HSP90AA1: variants seen among roughly 807,000 people sequenced by gnomAD.
HSP90AA1 encodes heat shock protein HSP 90-alpha.
HSP90AA1 carries 18 observed loss-of-function variants against 73.3 expected under a neutral mutation model. The observed-to-expected ratio is 0.25, with a 90% CI of 0.17 to 0.36. The LOEUF (loss-of-function observed/expected upper bound fraction) is 0.36. Among genes scored for constraint, HSP90AA1 ranks in the 10% least tolerant of loss-of-function variants. The pLI is 1.00. For missense variants in HSP90AA1, 704 were observed against 874.2 expected (o/e 0.81, Z 2.45); for synonymous variants, 477 against 296.9 (o/e 1.61, Z -6.24).
At position 102,084,751 on chromosome 14, in the gene HSP90AA1, A is replaced by G. The variant is rs920482292; in HGVS notation, c.911T>C (p.Ile304Thr). 2.6e-5 allele frequency: 42 copies of G among 1,613,976 alleles called. No homozygotes were observed. Among genetic ancestry groups the G allele is most frequent in the Non-Finnish European group, 3.5e-5 (41 of 1,180,030 alleles). Residue 304 changes from isoleucine (I) to threonine (T), a missense_variant, in exon 5 of 11, where the codon ATT becomes ACT. Physicochemically the swap from Ile to Thr is moderately conservative, Grantham distance 89. Transcript: ENST00000216281. ...KPIWTRNPDD[I>T]TNEEYGEFYK... The stretch of plus-strand genomic sequence containing the variant: ...GAATTCTCCGTACTCCTCATTAGTA[A>G]TATCGTCGGGATTTCTGGTCCAGAT...
intron 1 of HSP90AA1, among the ~76,000 whole-genome samples, chr14:102,138,425 G>A (rs1281140446): frequency 6.6e-6 from 1 of 152,038 alleles, no homozygotes; most frequent in East Asian, 1.9e-4. Flanking sequence ...AGGGAAAGTC[G>A]GATAACATCA....
chr14:102,112,112 A>G (rs2049649239), intron 1 of HSP90AA1, among the ~76,000 whole-genome samples: 1 of 151,688 alleles, frequency 6.6e-6, no homozygotes, highest in Non-Finnish European at 1.5e-5. Flanking sequence ...TTTGTGGATA[A>G]TTTCCTCCTA....
chr14:102,096,578 C>A (rs2049427835), intron 2 of HSP90AA1, among the ~76,000 whole-genome samples: 1 of 152,212 alleles, frequency 6.6e-6, no homozygotes, highest in Admixed American at 6.5e-5. Flanking sequence ...CAAATTCACT[C>A]TGGATGCCTC....
chr14:102,092,719 A>C (rs1310842106), intron 2 of HSP90AA1, among the ~76,000 whole-genome samples: 2 of 152,088 alleles, frequency 1.3e-5, no homozygotes, highest in African/African-American at 4.8e-5. Context: ...ACATATGTTG[A>C]AATACATCAA....
chr14:102,087,239 C>T (rs2049267234), upstream of HSP90AA1: 4 of 856,592 alleles, frequency 4.7e-6, no homozygotes, highest in South Asian at 2.1e-4. Context: ...TGCTCGTGGC[C>T]CGGCCCGGGC....
intron 7 of HSP90AA1, 39 bp from the exon 8 acceptor site, chr14:102,083,732 TAAAA>T (rs201649309): frequency 5.4e-5 from 76 of 1,400,576 alleles, no homozygotes; most frequent in Non-Finnish European, 5.9e-5. Context: ...CTTTCTGAAT[TAAAA>T]AAAAAAAAAA....
rs555343554 is a variant in HSP90AA1, at chr14:102,083,798, T to C, written c.1333A>G (p.Ile445Val). The C allele has an allele frequency of 1.9e-6, 3 of 1,612,550 alleles. No homozygotes were observed. In the South Asian group the frequency reaches 3.3e-5, roughly 18 times the overall value. ...KKFYEQFSKN[I>V]KLGIHEDSQN... is the part of the protein sequence containing the mutation. ...TAATGGTTATTTACACCAACCTTTA[T>C]GTTTTTAGAGAACTGCTCATAGAAT... Residue 445 changes from isoleucine (I) to valine (V), a missense_variant, in exon 7 of 11, where the codon ATA becomes GTA. Transcript: ENST00000216281.
chr14:102,087,563 T>C (rs2049277599), upstream of HSP90AA1, among the ~76,000 whole-genome samples: 1 of 151,854 alleles, frequency 6.6e-6, no homozygotes, highest in African/African-American at 2.4e-5. Flanking sequence ...GGAGCCGTCG[T>C]CCTGACTGGC....
At chr14:102,087,227 C>G (rs938728281), upstream of HSP90AA1, 3 of 917,394 alleles carry the variant, frequency 3.3e-6, no homozygotes, top group Non-Finnish European at 3.9e-6. Flanking sequence ...GCGCGCAGGC[C>G]CTGCTCGTGG....
At chr14:102,127,849 T>C (rs943924015) in intron 1 of HSP90AA1, among the ~76,000 whole-genome samples, 2 of 152,088 alleles carry the variant, frequency 1.3e-5, no homozygotes, top group Non-Finnish European at 2.9e-5. Flanking sequence ...GGCCTTGCTA[T>C]GTTGCCAGGT....
At chr14:102,084,651 A>C in intron 5 of HSP90AA1, 30 bp downstream of exon 5, 1 of 1,614,098 alleles carries the variant, frequency 6.2e-7, no homozygotes, top group African/African-American at 1.3e-5. Flanking sequence ...TAATCTAAGG[A>C]CAAGCTTGAA....
At chr14:102,139,735 C>T (rs574183547), upstream of HSP90AA1, 5 of 860,788 alleles carry the variant, frequency 5.8e-6, no homozygotes, top group Non-Finnish European at 8.7e-6. Context: ...GCCAGGTGAG[C>T]ACGCCTGCGC....
intron 2 of HSP90AA1, chr14:102,101,792 C>T (rs2049496335): frequency 5.3e-6 from 6 of 1,131,342 alleles, no homozygotes; most frequent in Non-Finnish European, 6.6e-6. Context: ...CTTTCTGTGA[C>T]TCCAACCACC....
rs913046868 is a variant in HSP90AA1 at position 102,081,192 on chromosome 14, A to G, written c.*520T>C. Reference sequence around the variant, plus strand: ...GCTTTTAACTTTGCTCCTCCAAACAATACTTTTCTTTGGAAAACAAGCCCT... The same window carrying G: ...GCTTTTAACTTTGCTCCTCCAAACAGTACTTTTCTTTGGAAAACAAGCCCT... On this transcript the variant is annotated 3_prime_UTR_variant, in exon 11 of 11. Transcript: ENST00000216281. The G allele has an allele frequency of 1.3e-5, 3 of 237,070 alleles. No individual in the cohort carries two copies. The highest frequency in any genetic ancestry group is 1.7e-5 in the Non-Finnish European group (2 of 119,558). The allele number at this position is 237,070 out of a possible 1,614,324, so 14.7% of individuals were successfully genotyped here.
At chr14:102,138,315 G>C (rs565908295) in intron 1 of HSP90AA1, among the ~76,000 whole-genome samples, 14 of 152,010 alleles carry the variant, frequency 9.2e-5, no homozygotes, top group Non-Finnish European at 1.8e-4. Flanking sequence ...CCTTCAAGTT[G>C]ATTATTGTAA....
intron 1 of HSP90AA1, among the ~76,000 whole-genome samples, chr14:102,138,930 T>C (rs1191269061): frequency 6.6e-6 from 1 of 152,048 alleles, no homozygotes; most frequent in African/African-American, 2.4e-5. Flanking sequence ...TAGTAAATAA[T>C]CTCACAGACT....
At chr14:102,100,467 C>T (rs1303197953) in intron 2 of HSP90AA1, among the ~76,000 whole-genome samples, 1 of 151,154 alleles carries the variant, frequency 6.6e-6, no homozygotes, top group Non-Finnish European at 1.5e-5. Context: ...CTCCTGTTGC[C>T]CAGGCTGGAG....
chr14:102,133,485 C>T (rs868544627), intron 1 of HSP90AA1, among the ~76,000 whole-genome samples: 29 of 134,322 alleles, frequency 2.2e-4, no homozygotes, highest in East Asian at 6.7e-4. Context: ...TAAACTAGTT[C>T]TTTTTTTTTT....
chr14:102,121,243 G>T (rs1300689119), intron 1 of HSP90AA1, among the ~76,000 whole-genome samples: 1 of 152,078 alleles, frequency 6.6e-6, no homozygotes, highest in Non-Finnish European at 1.5e-5. Context: ...TTTCATGTCA[G>T]TATATGTAAG....
Sources: allele counts gnomAD v4.1 joint callset (sites outside exome capture counted in the v4.1 genomes callset), GRCh38; gene constraint gnomAD v4.1.1; transcripts MANE v1.5; gene names NCBI Gene and HGNC (gene_info 2026-07-23, HGNC 2026-07-21).